Variants in TLR3 observed in about 807,000 individuals in gnomAD.
TLR3 encodes toll like receptor 3, also known as toll-like receptor 3.
A neutral mutation model predicts 66.4 loss-of-function variants in TLR3; 43 were observed. That is an observed-to-expected ratio of 0.65 (90% CI 0.51 to 0.83). The LOEUF (loss-of-function observed/expected upper bound fraction) is 0.83. Ranked by LOEUF, TLR3 falls within the 40% of genes least tolerant of loss-of-function variation. The probability of loss-of-function intolerance (pLI) is 0.00; values close to 1 mark genes in which losing one functional copy is unlikely to be tolerated. For synonymous variants in TLR3, 397 were observed against 397.2 expected (o/e 1.00, Z 0.01); for missense variants, 982 against 1,044.6 (o/e 0.94, Z 0.83).
rs1411997457 is a variant in TLR3 at position 186,084,676 on chromosome 4, A to G, written c.2518A>G (p.Ile840Val). Reference protein sequence around the residue: ...FKVHHAVQQAIEQNLDSIILV... With the variant: ...FKVHHAVQQAVEQNLDSIILV... ...GGTACATCATGCAGTTCAACAAGCT[A>G]TTGAACAAAATCTGGATTCCATTAT... Residue 840 changes from isoleucine (I) to valine (V), a missense_variant, in exon 5 of 5, where the codon ATT becomes GTT. Ile to Val is a conservative substitution (Grantham distance 29, BLOSUM62 3). This residue lies in a region of TLR3 where 666 missense variants were observed against 709.0 expected (regional missense o/e 0.94). Coordinates refer to ENST00000296795, the MANE Select transcript of TLR3 (RefSeq NM_003265.3). 1.2e-6 allele frequency: 2 copies of G among 1,613,182 alleles called. No homozygotes were observed. The highest frequency in any genetic ancestry group is 1.7e-6 in the Non-Finnish European group (2 of 1,179,284).
chr4:186,083,212 C>G lies in TLR3; in HGVS notation c.1526C>G (p.Thr509Ser), dbSNP rs767914092. The change falls in exon 4 of 5, where the codon ACC becomes AGC. Residue 509 changes from threonine (T) to serine (S), a missense_variant. Thr to Ser is a moderately conservative substitution (Grantham distance 58). Coordinates refer to ENST00000296795, the MANE Select transcript of TLR3 (RefSeq NM_003265.3). The surrounding 1 kb of genome is among the most constrained non-coding windows in gnomAD (Gnocchi z 4.0). ...CCATTCCAGCCTCTTCGTAACTTGA[C>G]CATTCTGGATCTAAGCAACAACAAC... ...PSPFQPLRNLTILDLSNNNIA... is the reference protein window; with the variant it reads ...PSPFQPLRNLSILDLSNNNIA... 1 of 1,614,100 alleles carries G rather than the reference C, an allele frequency of 6.2e-7. No homozygotes were observed. Among genetic ancestry groups the G allele is most frequent in the Non-Finnish European group, 8.5e-7 (1 of 1,180,046 alleles).
In TLR3 at chr4:186,082,549, T is replaced by C; in HGVS notation, c.863T>C (p.Val288Ala). 1 of 1,614,200 alleles carries C rather than the reference T, an allele frequency of 6.2e-7. No homozygotes were observed. The highest frequency in any genetic ancestry group is 8.5e-7 in the Non-Finnish European group (1 of 1,180,030). ...MLDLSYNNLN[V>A]VGNDSFAWLP... ...GATCTTTCCTACAACAACTTAAATG[T>C]GGTTGGTAACGATTCCTTTGCTTGG... Residue 288 changes from valine (V) to alanine (A), a missense_variant, in exon 4 of 5, where the codon GTG becomes GCG. Around this residue, in one of 3 missense-constraint regions of TLR3, gnomAD observed 3 missense variants for 16.6 expected, o/e 0.18. Coordinates refer to ENST00000296795, the MANE Select transcript of TLR3 (RefSeq NM_003265.3).
intron 1 of TLR3, 64 bp from the exon 2 acceptor site, chr4:186,076,549 C>A: frequency 6.9e-7 from 1 of 1,444,814 alleles, no homozygotes; most frequent in Admixed American, 1.7e-5. Context: ...AGGAATATAC[C>A]AATGCATTTG....
chr4:186,083,766 T>A lies in TLR3; in HGVS notation c.2080T>A (p.Ser694Thr). ...HGFPVRLFDT[S>T]SCKDSAPFEL... ...GTTCCCAGTGAGACTTTTTGATACATCATCTTGCAAAGACAGTGCCCCCTT... is the reference window on the plus strand; with the variant it reads ...GTTCCCAGTGAGACTTTTTGATACAACATCTTGCAAAGACAGTGCCCCCTT... Residue 694 changes from serine to threonine, a missense_variant, in exon 4 of 5, where the codon TCA (serine) becomes ACA (threonine). This residue lies in a region of TLR3 where 666 missense variants were observed against 709.0 expected (regional missense o/e 0.94). Coordinates refer to ENST00000296795, the MANE Select transcript of TLR3 (RefSeq NM_003265.3). The surrounding 1 kb of genome is among the most constrained non-coding windows in gnomAD (Gnocchi z 4.0). The A allele has an allele frequency of 6.2e-7, 1 of 1,613,964 alleles. No individual in the cohort carries two copies. The highest frequency in any genetic ancestry group is 8.5e-7 in the Non-Finnish European group (1 of 1,179,952).
chr4:186,076,298 A>G (rs1172435354), intron 1 of TLR3, among the ~76,000 whole-genome samples: 3 of 152,356 alleles, frequency 2.0e-5, no homozygotes, highest in East Asian at 3.9e-4. Context: ...GATCAAGAAT[A>G]TTAAGTTTAT....
In TLR3 at chr4:186,083,164, A is replaced by G. The variant is rs867445555; in HGVS notation, c.1478A>G (p.Lys493Arg). Reference protein sequence around the residue: ...QRLMLRRVALKNVDSSPSPFQ... With the variant: ...QRLMLRRVALRNVDSSPSPFQ... ...CTGATGCTCCGAAGGGTGGCCCTTA[A>G]AAATGTGGATAGCTCTCCTTCACCA... Residue 493 changes from lysine to arginine, a missense_variant, in exon 4 of 5, where the codon AAA (lysine) becomes AGA (arginine). Around this residue, in one of 3 missense-constraint regions of TLR3, gnomAD observed 666 missense variants for 709.0 expected, o/e 0.94. Transcript: ENST00000296795. The surrounding 1 kb of genome is among the most constrained non-coding windows in gnomAD (Gnocchi z 4.0). 5.6e-6 allele frequency: 9 copies of G among 1,614,222 alleles called. 1 individual carries two copies. The Middle Eastern group carries it at 1.5e-3, about 266-fold the overall frequency.
chr4:186,084,615 A>G lies in TLR3; in HGVS notation c.2487-30A>G, dbSNP rs2150068324. On this transcript the variant is annotated intron_variant, in intron 4 of 4. Coordinates refer to ENST00000296795, the MANE Select transcript of TLR3 (RefSeq NM_003265.3). ...TGCTTCTGGCTGTTAAAAACCGTATATTAATTCTTCAATACATTTTTTTAC... is the reference window on the plus strand; with the variant it reads ...TGCTTCTGGCTGTTAAAAACCGTATGTTAATTCTTCAATACATTTTTTTAC... 4.2e-6 allele frequency: 6 copies of G among 1,441,922 alleles called. No individual in the cohort carries two copies. The East Asian group carries it at 1.4e-4, about 33-fold the overall frequency. The allele number at this position is 1,441,922 out of a possible 1,614,324, so 89.3% of individuals were successfully genotyped here. A position where few individuals can be genotyped will look rare whatever the true frequency, so the allele number is the denominator to read the frequency against.
At position 186,082,972 on chromosome 4, in the gene TLR3, G is replaced by T; in HGVS notation, c.1286G>T (p.Trp429Leu). 6.2e-7 allele frequency: 1 copy of T among 1,614,130 alleles called. No homozygotes were observed. Among genetic ancestry groups the T allele is most frequent in the Non-Finnish European group, 8.5e-7 (1 of 1,180,036 alleles). Residue 429 changes from tryptophan to leucine, a missense_variant, in exon 4 of 5, where the codon TGG becomes TTG. Physicochemically the swap from Trp to Leu is moderately conservative, Grantham distance 61. Coordinates refer to ENST00000296795, the MANE Select transcript of TLR3 (RefSeq NM_003265.3). ...ISKIESDAFS[W>L]LGHLEVLDLG... Reference sequence around the variant, plus strand: ...AAAATAGAGAGTGATGCTTTCTCTTGGTTGGGCCACCTAGAAGTACTTGAC... The same window carrying T: ...AAAATAGAGAGTGATGCTTTCTCTTTGTTGGGCCACCTAGAAGTACTTGAC...
At chr4:186,069,913 T>A (rs1343867590) in intron 1 of TLR3, among the ~76,000 whole-genome samples, 1 of 152,244 alleles carries the variant, frequency 6.6e-6, no homozygotes, top group African/African-American at 2.4e-5. Context: ...TACGTGCTGG[T>A]ATGTGTCTTC....
rs574038103 is a variant in TLR3 at position 186,083,597 on chromosome 4, G to A, written c.1911G>A (p.Leu637=). The stretch of plus-strand genomic sequence containing the variant: ...TTTTCGGGCCAGCTTTCAGGAACCT[G>A]ACTGAGTTAGATATGCGCTTTAATC... ...KKVFGPAFRN[L]TELDMRFNPF... Residue 637 remains leucine (L), a synonymous_variant, in exon 4 of 5, where the codon CTG becomes CTA. Coordinates refer to ENST00000296795, the MANE Select transcript of TLR3 (RefSeq NM_003265.3). The surrounding 1 kb of genome is among the most constrained non-coding windows in gnomAD (Gnocchi z 4.0). The A allele has an allele frequency of 5.3e-5, 85 of 1,611,580 alleles. 1 individual carries two copies. In the South Asian group the frequency reaches 8.3e-4, roughly 16 times the overall value.
chr4:186,074,910 G>C (rs190448416), intron 1 of TLR3, among the ~76,000 whole-genome samples: 1 of 151,582 alleles, frequency 6.6e-6, no homozygotes, highest in Non-Finnish European at 1.5e-5. Flanking sequence ...CCACCACGTC[G>C]TGTCCCACTG....
rs2099302940 is a variant in TLR3 at position 186,078,981 on chromosome 4, G to A, written c.583G>A (p.Ala195Thr). The A allele has an allele frequency of 6.2e-7, 1 of 1,613,870 alleles. No individual in the cohort carries two copies. Among genetic ancestry groups the A allele is most frequent in the East Asian group, 2.2e-5 (1 of 44,852 alleles). The change falls in exon 3 of 5, where the codon GCC becomes ACC. Residue 195 changes from alanine (A) to threonine (T), a missense_variant. Around this residue, in one of 3 missense-constraint regions of TLR3, gnomAD observed 313 missense variants for 319.0 expected, o/e 0.98. Coordinates refer to ENST00000296795, the MANE Select transcript of TLR3 (RefSeq NM_003265.3). ...ALKSEELDIF[A>T]NSSLKKLELS... ...AAAAAGTGAAGAACTGGATATCTTT[G>A]CCAATTCATCTTTAAAAAAATTAGA... is the stretch of plus-strand genomic sequence containing the variant.
At position 186,083,149 on chromosome 4, in the gene TLR3, G is replaced by A. The variant is rs777335615; in HGVS notation, c.1463G>A (p.Arg488Gln). The change falls in exon 4 of 5, where the codon CGA becomes CAA. Residue 488 changes from arginine to glutamine, a missense_variant. Transcript: ENST00000296795. The surrounding 1 kb of genome is among the most constrained non-coding windows in gnomAD (Gnocchi z 4.0). ...LVPSLQRLMLRRVALKNVDSS... is the reference protein window; with the variant it reads ...LVPSLQRLMLQRVALKNVDSS... Reference sequence around the variant, plus strand: ...CCAAGCCTTCAACGACTGATGCTCCGAAGGGTGGCCCTTAAAAATGTGGAT... The same window carrying A: ...CCAAGCCTTCAACGACTGATGCTCCAAAGGGTGGCCCTTAAAAATGTGGAT... The A allele has an allele frequency of 1.1e-5, 17 of 1,614,048 alleles. No individual in the cohort carries two copies. Among genetic ancestry groups the A allele is most frequent in the Middle Eastern group, 1.6e-4 (1 of 6,084 alleles).
At chr4:186,074,685 C>G (rs778046391) in intron 1 of TLR3, among the ~76,000 whole-genome samples, 5 of 152,134 alleles carry the variant, frequency 3.3e-5, no homozygotes, top group Non-Finnish European at 5.9e-5. Flanking sequence ...TTTTTCAAAA[C>G]TTTTTGACTC....
chr4:186,072,411 C>G (rs74541206), intron 1 of TLR3, among the ~76,000 whole-genome samples: 10 of 152,186 alleles, frequency 6.6e-5, no homozygotes, highest in African/African-American at 9.7e-5. Flanking sequence ...TTCCCTAGTT[C>G]AAGCGATTCT....
At chr4:186,082,094 G>C (rs752001801) in intron 3 of TLR3, 3 of 541,554 alleles carry the variant, frequency 5.5e-6, no homozygotes, top group African/African-American at 3.8e-5. Context: ...ACGTGGTGGC[G>C]CATGCCTGTA....
intron 3 of TLR3, among the ~76,000 whole-genome samples, chr4:186,081,208 G>A (rs1290001663): frequency 6.6e-6 from 1 of 151,556 alleles, no homozygotes; most frequent in East Asian, 1.9e-4. Flanking sequence ...GGCAAGGGTT[G>A]CAGGGAGCTG....
chr4:186,082,524 G>A lies in TLR3; in HGVS notation c.838G>A (p.Asp280Asn), dbSNP rs112077022. 1,544 of 1,614,126 alleles carry A rather than the reference G, an allele frequency of 9.6e-4. 10 individuals carry two copies. The African/African-American group carries it at 0.018, about 19-fold the overall frequency. Residue 280 changes from aspartate to asparagine, a missense_variant, in exon 4 of 5, where the codon GAT becomes AAT. By Grantham distance (23) the Asp-to-Asn change is conservative. Coordinates refer to ENST00000296795, the MANE Select transcript of TLR3 (RefSeq NM_003265.3). ...GLKWTNLTMLDLSYNNLNVVG... is the reference protein window; with the variant it reads ...GLKWTNLTMLNLSYNNLNVVG... ...AAAGTGGACAAATCTCACTATGCTCGATCTTTCCTACAACAACTTAAATGT... is the reference window on the plus strand; with the variant it reads ...AAAGTGGACAAATCTCACTATGCTCAATCTTTCCTACAACAACTTAAATGT...
rs371265702 is a variant in TLR3 at position 186,083,661 on chromosome 4, A to G, written c.1975A>G (p.Asn659Asp). Residue 659 changes from asparagine to aspartate, a missense_variant, in exon 4 of 5, where the codon AAT becomes GAT. Coordinates refer to ENST00000296795, the MANE Select transcript of TLR3 (RefSeq NM_003265.3). The surrounding 1 kb of genome is among the most constrained non-coding windows in gnomAD (Gnocchi z 4.0). ...GTGTGAAAGTATTGCCTGGTTTGTTAATTGGATTAACGAGACCCATACCAA... is the reference window on the plus strand; with the variant it reads ...GTGTGAAAGTATTGCCTGGTTTGTTGATTGGATTAACGAGACCCATACCAA... ...CTCESIAWFV[N>D]WINETHTNIP... 1.9e-6 allele frequency: 3 copies of G among 1,596,600 alleles called. No homozygotes were observed. Among genetic ancestry groups the G allele is most frequent in the Non-Finnish European group, 2.6e-6 (3 of 1,171,120 alleles).
Sources: allele counts gnomAD v4.1 joint callset (sites outside exome capture counted in the v4.1 genomes callset), GRCh38; gene constraint gnomAD v4.1.1; regional missense constraint gnomAD v4.1.1; non-coding constraint Gnocchi (gnomAD v3.1); transcripts MANE v1.5; gene names NCBI Gene and HGNC (gene_info 2026-07-23, HGNC 2026-07-21).